The following SLC22A23 variants were observed in gnomAD, a reference collection of about 807,000 sequenced individuals.
SLC22A23 encodes solute carrier family 22 member 23.
In SLC22A23, 26 loss-of-function variants were observed where a neutral mutation model predicts 61.0. That is an observed-to-expected ratio of 0.43 (90% confidence interval 0.31 to 0.59). SLC22A23 has a LOEUF of 0.59. SLC22A23 is among the 20% of genes least tolerant of loss of function. SLC22A23 has a pLI of 0.11. For synonymous variants in SLC22A23, 430 were observed against 413.9 expected (o/e 1.04, Z -0.47); for missense variants, 796 against 934.7 (o/e 0.85, Z 1.94).
rs576611578 is a variant in SLC22A23 at position 3,360,287 on chromosome 6, C to G, written c.914-36285G>C. ...CTATGTTTATTTTACCATGATAAAA[C>G]AAACACCCCCCTCCAAATAAAACAA... On this transcript the variant is annotated intron_variant, in intron 3 of 9. Coordinates refer to ENST00000406686, the MANE Select transcript of SLC22A23 (RefSeq NM_015482.2). This position sits in a 1 kb window ranked among gnomAD's most constrained non-coding sequence, Gnocchi z 4.6. Among the ~76,000 whole-genome samples, 8 of 152,276 alleles carry G rather than the reference C, an allele frequency of 5.3e-5. No homozygotes were observed. The highest frequency in any genetic ancestry group is 1.0e-4 in the Non-Finnish European group (7 of 68,016).
At position 3,327,259 on chromosome 6, in the gene SLC22A23, T is replaced by C. The variant is rs1389171820; in HGVS notation, c.914-3257A>G. ...CTGCCCCTTCAGGGCCTGGCTACTG[T>C]GGAGAGTAGATCACTCACAGGCAGG... On this transcript the variant is annotated intron_variant, in intron 3 of 9. Transcript: ENST00000406686. The surrounding 1 kb of genome is among the most constrained non-coding windows in gnomAD (Gnocchi z 4.1). Among the ~76,000 whole-genome samples the C allele has an allele frequency of 6.6e-6, 1 of 152,232 alleles. No individual in the cohort carries two copies. The highest frequency in any genetic ancestry group is 1.5e-5 in the Non-Finnish European group (1 of 68,038).
intron 3 of SLC22A23, among the ~76,000 whole-genome samples, chr6:3,331,722 G>A (rs181130187): frequency 4.6e-5 from 7 of 152,324 alleles, no homozygotes; most frequent in African/African-American, 1.4e-4. Flanking sequence ...CTGATGCTCA[G>A]CAGCACATGC....
chr6:3,382,474 T>A (rs1159284827), intron 3 of SLC22A23, among the ~76,000 whole-genome samples: 1 of 152,242 alleles, frequency 6.6e-6, no homozygotes, highest in African/African-American at 2.4e-5. Context: ...CTCAGCTTTA[T>A]CCTTGCCTGT....
At chr6:3,319,624 C>G (rs1342394803) in intron 4 of SLC22A23, among the ~76,000 whole-genome samples, 1 of 152,174 alleles carries the variant, frequency 6.6e-6, no homozygotes, top group African/African-American at 2.4e-5. Flanking sequence ...CGCTTCACTG[C>G]CCTTTCAGAT....
At chr6:3,301,456 G>A (rs115688234) in intron 4 of SLC22A23, among the ~76,000 whole-genome samples, 6,932 of 152,244 alleles carry the variant, frequency 0.046, 205 homozygotes, top group Middle Eastern at 0.068. Flanking sequence ...AAGCGATTTC[G>A]CAGGTAGTCT....
intron 3 of SLC22A23, among the ~76,000 whole-genome samples, chr6:3,335,905 C>T (rs1213180487): frequency 5.9e-5 from 9 of 152,120 alleles, no homozygotes; most frequent in African/African-American, 1.2e-4. Context: ...CTGGCTAATA[C>T]GGTGAAATCC....
At position 3,308,599 on chromosome 6, in the gene SLC22A23, C is replaced by T. The variant is rs906656781; in HGVS notation, c.1083-10381G>A. On this transcript the variant is annotated intron_variant, in intron 4 of 9. Transcript: ENST00000406686. This position sits in a 1 kb window ranked among gnomAD's most constrained non-coding sequence, Gnocchi z 5.1. Reference sequence around the variant, plus strand: ...CAGGGTTGATCAAACCTCACAAAAACGTGAACCATGCCATTTTCCAGCATG... The same window carrying T: ...CAGGGTTGATCAAACCTCACAAAAATGTGAACCATGCCATTTTCCAGCATG... Among the ~76,000 whole-genome samples the T allele has an allele frequency of 2.0e-5, 3 of 152,162 alleles. No homozygotes were observed. The highest frequency in any genetic ancestry group is 6.5e-5 in the Admixed American group (1 of 15,276).
Position 3,387,294 on chromosome 6 carries a change from C to T in SLC22A23, c.913+22894G>A, listed in dbSNP as rs77199680. Reference sequence around the variant, plus strand: ...TGACGTCAGAGCTCCTGCCTCGATACGACGCCATGAGCAGGGTGGTGCTCT... The same window carrying T: ...TGACGTCAGAGCTCCTGCCTCGATATGACGCCATGAGCAGGGTGGTGCTCT... On this transcript the variant is annotated intron_variant, in intron 3 of 9. Transcript: ENST00000406686. The surrounding 1 kb of genome is among the most constrained non-coding windows in gnomAD (Gnocchi z 5.0). Among the ~76,000 whole-genome samples the T allele has an allele frequency of 9.3e-4, 142 of 152,312 alleles. 3 individuals carry two copies. In the East Asian group the frequency reaches 0.024, roughly 26 times the overall value.
At chr6:3,357,374 G>A (rs1187702784) in intron 3 of SLC22A23, among the ~76,000 whole-genome samples, 1 of 152,188 alleles carries the variant, frequency 6.6e-6, no homozygotes, top group African/African-American at 2.4e-5. Flanking sequence ...CTCAGCAATA[G>A]TGTAAGGATT....
chr6:3,451,545 TTTTTG>T (rs770163879), intron 1 of SLC22A23, among the ~76,000 whole-genome samples: 17 of 152,170 alleles, frequency 1.1e-4, no homozygotes, highest in Non-Finnish European at 1.8e-4. Flanking sequence ...AGTCTTTGTT[TTTTTG>T]TTTTGTTTTG....
chr6:3,435,901 G>C (rs1270939456), intron 1 of SLC22A23, among the ~76,000 whole-genome samples: 1 of 152,156 alleles, frequency 6.6e-6, no homozygotes, highest in Non-Finnish European at 1.5e-5. Flanking sequence ...GGACCACGTG[G>C]GGACAGAGGG....
Position 3,304,087 on chromosome 6 carries a change from G to C in SLC22A23, c.1083-5869C>G, listed in dbSNP as rs1186168299. 6.6e-6 allele frequency among the ~76,000 whole-genome samples: 1 copy of C among 152,224 alleles called. No homozygotes were observed. The highest frequency in any genetic ancestry group is 2.4e-5 in the African/African-American group (1 of 41,468). Reference sequence around the variant, plus strand: ...ATCCCAGAGAGGATTCAATTCTGCTGTTCCCCTTTCTTATCTGGGCCCACG... The same window carrying C: ...ATCCCAGAGAGGATTCAATTCTGCTCTTCCCCTTTCTTATCTGGGCCCACG... On this transcript the variant is annotated intron_variant, in intron 4 of 9. Coordinates refer to ENST00000406686, the MANE Select transcript of SLC22A23 (RefSeq NM_015482.2). This position sits in a 1 kb window ranked among gnomAD's most constrained non-coding sequence, Gnocchi z 4.3.
chr6:3,436,368 T>C (rs1481053817), intron 1 of SLC22A23, among the ~76,000 whole-genome samples: 1 of 152,166 alleles, frequency 6.6e-6, no homozygotes, highest in Non-Finnish European at 1.5e-5. Context: ...ACTCCTGACC[T>C]CAGGTGACCC....
chr6:3,310,311 A>AAGCACCCTGCCTCCCACTCG (rs1292782274), intron 4 of SLC22A23, among the ~76,000 whole-genome samples: 2 of 88,870 alleles, frequency 2.3e-5, no homozygotes, highest in Non-Finnish European at 4.6e-5. Flanking sequence ...TCTCCCACTC[A>AAGCACCCTGCCTCCCACTCG]AGCACCCTGC....
At chr6:3,314,218 C>A (rs1364172189) in intron 4 of SLC22A23, among the ~76,000 whole-genome samples, 1 of 152,238 alleles carries the variant, frequency 6.6e-6, no homozygotes, top group Non-Finnish European at 1.5e-5. Flanking sequence ...TGGAGGATTC[C>A]TCCCAGGACA....
intron 2 of SLC22A23, among the ~76,000 whole-genome samples, chr6:3,413,171 A>G (rs985970310): frequency 3.3e-5 from 5 of 152,222 alleles, no homozygotes; most frequent in African/African-American, 7.2e-5. Context: ...ACAAGCTGAG[A>G]GGGAACCCAC....
chr6:3,335,022 A>G (rs907489071), intron 3 of SLC22A23, among the ~76,000 whole-genome samples: 5 of 152,230 alleles, frequency 3.3e-5, no homozygotes, highest in Non-Finnish European at 5.9e-5. Context: ...AGATTACAAT[A>G]AAAAGAAAAG....
At chr6:3,432,918 C>T (rs1011508485) in intron 1 of SLC22A23, among the ~76,000 whole-genome samples, 8 of 152,162 alleles carry the variant, frequency 5.3e-5, no homozygotes, top group Non-Finnish European at 8.8e-5. Context: ...GTGAAGGGAA[C>T]GTACAATTCT....
At chr6:3,400,825 A>C (rs548585377) in intron 3 of SLC22A23, among the ~76,000 whole-genome samples, 4 of 152,226 alleles carry the variant, frequency 2.6e-5, no homozygotes, top group African/African-American at 4.8e-5. Flanking sequence ...TCAGAACAAA[A>C]CTGCATCTCT....
Sources: allele counts gnomAD v4.1 joint callset (sites outside exome capture counted in the v4.1 genomes callset), GRCh38; gene constraint gnomAD v4.1.1; non-coding constraint Gnocchi (gnomAD v3.1); transcripts MANE v1.5; gene names NCBI Gene and HGNC (gene_info 2026-07-23, HGNC 2026-07-21).